Variants in WWOX observed in about 807,000 individuals in gnomAD.
WWOX encodes the protein WW domain-containing oxidoreductase.
A neutral mutation model predicts 46.2 loss-of-function variants in WWOX; 69 were observed. That is an observed-to-expected ratio of 1.49 (90% CI 1.23 to 1.82). The LOEUF (loss-of-function observed/expected upper bound fraction) is 1.82. Ranked by LOEUF, WWOX falls within the 40% of genes most tolerant of loss-of-function variation. The probability of loss-of-function intolerance (pLI) is 0.00; values close to 1 mark genes in which losing one functional copy is unlikely to be tolerated. For synonymous variants in WWOX, 359 were observed against 202.6 expected (o/e 1.77, Z -6.56); for missense variants, 919 against 542.6 (o/e 1.69, Z -6.89).
chr16:78,890,770 C>G (rs1007443550), intron 8 of WWOX: 1 of 152,180 alleles, frequency 6.6e-6, no homozygotes, highest in Non-Finnish European at 1.5e-5. Context: ...TAAATGCCAG[C>G]CTTAGCCTTG....
intron 5 of WWOX, among the ~76,000 whole-genome samples, chr16:78,274,972 C>T (rs1377463536): frequency 6.6e-6 from 1 of 152,126 alleles, no homozygotes; most frequent in Admixed American, 6.5e-5. Context: ...TTATTAATTT[C>T]CTGTGCTTCT....
intron 8 of WWOX, among the ~76,000 whole-genome samples, chr16:79,149,308 C>T (rs1375400462): frequency 1.3e-5 from 2 of 152,002 alleles, no homozygotes; most frequent in Non-Finnish European, 2.9e-5. Context: ...TATGATTTTC[C>T]TTTAGCTTTT....
At chr16:78,787,754 C>A (rs550650445) in intron 8 of WWOX, among the ~76,000 whole-genome samples, 1 of 152,150 alleles carries the variant, frequency 6.6e-6, no homozygotes, top group East Asian at 1.9e-4. Context: ...TTGTTTTCCA[C>A]GGAGGCTGCA....
chr16:78,705,397 T>G (rs557034634), intron 8 of WWOX, among the ~76,000 whole-genome samples: 2 of 152,200 alleles, frequency 1.3e-5, no homozygotes, highest in East Asian at 1.9e-4. Flanking sequence ...GGGGAGAATA[T>G]AAAAACAAGC....
At chr16:79,036,025 G>A (rs534632938) in intron 8 of WWOX, among the ~76,000 whole-genome samples, 6 of 152,176 alleles carry the variant, frequency 3.9e-5, no homozygotes, top group African/African-American at 1.4e-4. Context: ...CCTCCTTCCA[G>A]CATACTCAGC....
intron 8 of WWOX, among the ~76,000 whole-genome samples, chr16:79,078,391 C>G (rs546057025): frequency 6.6e-6 from 1 of 152,296 alleles, no homozygotes; most frequent in East Asian, 1.9e-4. Context: ...AATCACTTCT[C>G]TGATTCTCAT....
intron 5 of WWOX, among the ~76,000 whole-genome samples, chr16:78,376,183 G>A (rs1597125910): frequency 6.6e-6 from 1 of 152,172 alleles, no homozygotes; most frequent in Admixed American, 6.5e-5. Flanking sequence ...AATTTTCACA[G>A]TAACTTCAAG....
intron 5 of WWOX, among the ~76,000 whole-genome samples, chr16:78,383,111 C>T (rs2081990105): frequency 6.6e-6 from 1 of 150,828 alleles, no homozygotes; most frequent in Non-Finnish European, 1.5e-5. Flanking sequence ...CTGTTTTTAA[C>T]CAGCCCCATG....
At chr16:78,312,394 T>TTTTTTTA (rs77756746) in intron 5 of WWOX, among the ~76,000 whole-genome samples, 1 of 151,350 alleles carries the variant, frequency 6.6e-6, no homozygotes. Flanking sequence ...TTTTTTTTTT[T>TTTTTTTA]AAGACGGAGT....
chr16:78,449,491 C>T (rs546206526), intron 8 of WWOX, among the ~76,000 whole-genome samples: 29 of 152,272 alleles, frequency 1.9e-4, no homozygotes, highest in African/African-American at 6.5e-4. Context: ...GACCCTGCTA[C>T]ATTGTGGTAG....
chr16:78,124,250 A>G (rs1025535482), intron 4 of WWOX: 34 of 152,180 alleles, frequency 2.2e-4, no homozygotes, highest in Non-Finnish European at 2.9e-5. Flanking sequence ...GTAACATTGC[A>G]AAGCTATTTC....
intron 4 of WWOX, among the ~76,000 whole-genome samples, chr16:78,158,872 C>T (rs564040830): frequency 2.8e-4 from 43 of 152,212 alleles, no homozygotes; most frequent in African/African-American, 9.9e-4. Context: ...TGGTAGATCT[C>T]TAGGGCTTTT....
intron 5 of WWOX, among the ~76,000 whole-genome samples, chr16:78,330,568 T>G (rs2080731679): frequency 1.3e-5 from 2 of 152,196 alleles, no homozygotes; most frequent in Admixed American, 1.3e-4. Flanking sequence ...AGCTAATTTT[T>G]GTATTTTTAG....
intron 5 of WWOX, among the ~76,000 whole-genome samples, chr16:78,214,225 C>G (rs1402673116): frequency 6.6e-6 from 1 of 152,196 alleles, no homozygotes; most frequent in African/African-American, 2.4e-5. Context: ...CGCAGCTCCT[C>G]TTGAGTGCTT....
chr16:78,765,789 C>G (rs1347947495), intron 8 of WWOX, among the ~76,000 whole-genome samples: 1 of 152,162 alleles, frequency 6.6e-6, no homozygotes, highest in Non-Finnish European at 1.5e-5. Flanking sequence ...AAATCACAAC[C>G]TCTGTCAGAG....
At chr16:78,231,705 G>A (rs897761858) in intron 5 of WWOX, among the ~76,000 whole-genome samples, 8 of 152,160 alleles carry the variant, frequency 5.3e-5, no homozygotes, top group African/African-American at 1.9e-4. Flanking sequence ...CTCTCTCCTG[G>A]AATTGCCATT....
chr16:79,020,541 A>C (rs138197567), intron 8 of WWOX, among the ~76,000 whole-genome samples: 5 of 152,240 alleles, frequency 3.3e-5, no homozygotes, highest in Admixed American at 1.3e-4. Context: ...AGGCTAGCAC[A>C]TACAACACAA....
chr16:78,350,534 T>C lies in WWOX; in HGVS notation c.517-36326T>C, dbSNP rs1217136662. 1.6e-5 allele frequency among the ~76,000 whole-genome samples: 2 copies of C among 121,426 alleles called. 1 individual carries two copies. The highest frequency in any genetic ancestry group is 3.9e-5 in the Non-Finnish European group (2 of 50,814). 79.7% of individuals were successfully genotyped at this position (121,426 alleles called of 152,430 possible). A position where few individuals can be genotyped will look rare whatever the true frequency, so the allele number is the denominator to read the frequency against. ...ATATAGATTTGCCTATTCTAGACTT[T>C]TCATATAAATAAATCAGATACTGTG... On this transcript the variant is annotated intron_variant, in intron 5 of 8. Transcript: ENST00000566780.
intron 8 of WWOX, among the ~76,000 whole-genome samples, chr16:79,043,683 G>A (rs1483707716): frequency 6.6e-6 from 1 of 152,212 alleles, no homozygotes; most frequent in African/African-American, 2.4e-5. Context: ...ATAGGATCAG[G>A]CTGACCAGTA....
Sources: gnomAD v4.1 joint callset for allele counts (sites outside exome capture counted in the v4.1 genomes callset) on GRCh38, gnomAD v4.1.1 for gene constraint, MANE v1.5 for transcripts, NCBI Gene and HGNC (gene_info 2026-07-23, HGNC 2026-07-21) for gene names.